The following WFS1 variants were observed in gnomAD, a reference collection of about 807,000 sequenced individuals.
WFS1 encodes the protein wolframin.
WFS1 carries 90 observed loss-of-function variants against 68.5 expected under a neutral mutation model. The ratio of observed to expected loss-of-function variants is 1.31; its 90% CI spans 1.11 to 1.56. WFS1 has a LOEUF of 1.56. WFS1 is among the 40% of genes most tolerant of loss of function. The pLI, the probability that WFS1 is intolerant of heterozygous loss-of-function variation, is 0.00. For synonymous variants in WFS1, 860 were observed against 540.7 expected (o/e 1.59, Z -8.19); for missense variants, 1,767 against 1,232.6 (o/e 1.43, Z -6.49).
chr4:6,299,340 A>C (rs1275520663), intron 7 of WFS1, among the ~76,000 whole-genome samples: 1 of 152,182 alleles, frequency 6.6e-6, no homozygotes, highest in Non-Finnish European at 1.5e-5. Context: ...CGCTGCATGC[A>C]GAGCAGGGGA....
chr4:6,291,158 C>T, intron 4 of WFS1, 39 bp from the exon 5 acceptor site: 1 of 1,607,078 alleles, frequency 6.2e-7, no homozygotes, highest in Non-Finnish European at 8.5e-7. Flanking sequence ...AAAGCCTAGG[C>T]AGGGCACACA....
In WFS1 at chr4:6,302,341, A is replaced by C. The variant is rs778798308; in HGVS notation, c.2546A>C (p.Asn849Thr). 6.2e-7 allele frequency: 1 copy of C among 1,612,678 alleles called. No homozygotes were observed. The highest frequency in any genetic ancestry group is 2.2e-5 in the East Asian group (1 of 44,896). Residue 849 changes from asparagine to threonine, a missense_variant, in exon 8 of 8, where the codon AAC (asparagine) becomes ACC (threonine). Asn to Thr is a moderately conservative substitution (Grantham distance 65). Transcript: ENST00000226760. ...VFELKAISCL[N>T]CMAQLSPTRR... is the part of the protein sequence containing the mutation. ...GAGCTCAAGGCCATCAGCTGCCTCA[A>C]CTGCATGGCCCAGCTCTCACCCACC...
chr4:6,302,265 G>A lies in WFS1; in HGVS notation c.2470G>A (p.Glu824Lys), dbSNP rs367547063. The stretch of plus-strand genomic sequence containing the variant: ...CAGCCTGCGCCAGGGCAGCCTCATC[G>A]AGTTCAGCACCATCCTGGAGGGCCG... ...LLSLRQGSLI[E>K]FSTILEGRLG... is the part of the protein sequence containing the mutation. Residue 824 changes from glutamate to lysine, a missense_variant, in exon 8 of 8, where the codon GAG (glutamate) becomes AAG (lysine). Coordinates refer to ENST00000226760, the MANE Select transcript of WFS1 (RefSeq NM_006005.3). 4.7e-5 allele frequency: 76 copies of A among 1,604,748 alleles called. No individual in the cohort carries two copies. The highest frequency in any genetic ancestry group is 6.4e-5 in the Non-Finnish European group (75 of 1,173,986).
intron 2 of WFS1, among the ~76,000 whole-genome samples, chr4:6,280,825 A>C (rs1252504561): frequency 2.0e-5 from 3 of 152,040 alleles, no homozygotes; most frequent in Non-Finnish European, 4.4e-5. Context: ...GTCTACCAGT[A>C]GGACAAGGCC....
In WFS1 at chr4:6,301,397, C is replaced by T. The variant is rs746679248; in HGVS notation, c.1602C>T (p.Tyr534=). The change falls in exon 8 of 8, where the codon TAC becomes TAT. Residue 534 remains tyrosine (Y), a synonymous_variant. Coordinates refer to ENST00000226760, the MANE Select transcript of WFS1 (RefSeq NM_006005.3). ...GCACCTACTGCTACCTTGTGCCCTA[C>T]CTGGTGTGCTTCATGTGGTGTGAGC... ...FKGTYCYLVP[Y]LVCFMWCELS... 4.1e-5 allele frequency: 66 copies of T among 1,612,496 alleles called. No individual in the cohort carries two copies. The highest frequency in any genetic ancestry group is 5.3e-5 in the Non-Finnish European group (63 of 1,180,044).
At chr4:6,277,269 A>G (rs1253241557) in intron 1 of WFS1, among the ~76,000 whole-genome samples, 182 bp from the exon 2 acceptor site, 4 of 152,164 alleles carry the variant, frequency 2.6e-5, no homozygotes, top group Non-Finnish European at 4.4e-5. Flanking sequence ...GTGTCCTCCC[A>G]TGGTTTCCTC....
In WFS1 at chr4:6,277,587, C is replaced by A. The variant is rs754346893; in HGVS notation, c.132C>A (p.Pro44=). 108 of 1,581,278 alleles carry A rather than the reference C, an allele frequency of 6.8e-5. No individual in the cohort carries two copies. Among genetic ancestry groups the A allele is most frequent in the Non-Finnish European group, 8.8e-5 (103 of 1,164,036 alleles). ...EQERSERPRA[P]GPQAGPGPGV... is the part of the protein sequence containing the mutation. Reference sequence around the variant, plus strand: ...AGAGGAGCGAAAGGCCCCGAGCACCCGGACCCCAGGCTGGCCCTGGCCCTG... The same window carrying A: ...AGAGGAGCGAAAGGCCCCGAGCACCAGGACCCCAGGCTGGCCCTGGCCCTG... The change falls in exon 2 of 8, where the codon CCC becomes CCA. Residue 44 remains proline, a synonymous_variant. Transcript: ENST00000226760.
chr4:6,285,987 C>G (rs889586374), intron 2 of WFS1, among the ~76,000 whole-genome samples: 1 of 152,186 alleles, frequency 6.6e-6, no homozygotes, highest in African/African-American at 2.4e-5. Context: ...ACTGGAGAAC[C>G]TGTGCTAGGA....
chr4:6,270,026 G>A lies in WFS1; in HGVS notation c.-6+12G>A, dbSNP rs1190687337. The A allele has an allele frequency of 7.6e-6, 1 of 132,194 alleles. No homozygotes were observed. The highest frequency in any genetic ancestry group is 3.3e-5 in the African/African-American group (1 of 30,478). The allele number at this position is 132,194 out of a possible 1,614,324, so 8.2% of individuals were successfully genotyped here. On this transcript the variant is annotated intron_variant, in intron 1 of 7. Transcript: ENST00000226760. The stretch of plus-strand genomic sequence containing the variant: ...CCACTCACGGGCCGGTGAGTACTTC[G>A]GCGCTGGGGCAGTGGCGCGGTGGCT...
Position 6,289,065 on chromosome 4 carries a change from C to G in WFS1, c.394C>G (p.Leu132Val), listed in dbSNP as rs914375154. 6.3e-7 allele frequency: 1 copy of G among 1,593,710 alleles called. No individual in the cohort carries two copies. Among genetic ancestry groups the G allele is most frequent in the African/African-American group, 1.3e-5 (1 of 74,740 alleles). Residue 132 changes from leucine (L) to valine (V), a missense_variant, in exon 4 of 8, where the codon CTC becomes GTC. Coordinates refer to ENST00000226760, the MANE Select transcript of WFS1 (RefSeq NM_006005.3). ...NSCTAVDWLVLAAKQGRREAV... is the reference protein window; with the variant it reads ...NSCTAVDWLVVAAKQGRREAV... ...CTGCACCGCTGTGGACTGGCTGGTC[C>G]TCGCCGCGAAGCAGGGCCGTCGCGA...
chr4:6,275,587 A>ACC lies in WFS1; in HGVS notation c.-5-1863_-5-1862insCC, dbSNP rs1221977171. Among the ~76,000 whole-genome samples the ACC allele has an allele frequency of 1.7e-4, 3 of 17,222 alleles. 1 individual carries two copies. The highest frequency in any genetic ancestry group is 3.0e-4 in the Non-Finnish European group (3 of 9,854). The allele number at this position is 17,222 out of a possible 152,430, so 11.3% of individuals were successfully genotyped here. ...TGCATGGTTTGCACCTGGGGGATGC[A>ACC]CGGGGGTGGGGTGGGGGGGGGGGGT... On this transcript the variant is annotated intron_variant, in intron 1 of 7. Transcript: ENST00000226760.
intron 6 of WFS1, among the ~76,000 whole-genome samples, chr4:6,292,803 T>A (rs1456308047): frequency 6.6e-6 from 1 of 151,940 alleles, no homozygotes; most frequent in Non-Finnish European, 1.5e-5. Context: ...TTCTGAACAG[T>A]GAGATGATCA....
rs55814513 is a variant in WFS1 at position 6,301,470 on chromosome 4, G to A, written c.1675G>A (p.Ala559Thr). ...GTCCACCGGCCTGGGGCTGCTCCGC[G>A]CCTCCATCGGCTACTTCCTCTTCCT... is the stretch of plus-strand genomic sequence containing the variant. ...LESTGLGLLR[A>T]SIGYFLFLFA... Residue 559 changes from alanine to threonine, a missense_variant, in exon 8 of 8, where the codon GCC (alanine) becomes ACC (threonine). Ala to Thr is a moderately conservative substitution (Grantham distance 58). Transcript: ENST00000226760. 7,829 of 1,612,772 alleles carry A rather than the reference G, an allele frequency of 4.9e-3. 20 individuals are homozygous for A. The highest frequency in any genetic ancestry group is 5.7e-3 in the Non-Finnish European group (6,717 of 1,180,036).
At position 6,302,828 on chromosome 4, in the gene WFS1, TCTTTCTTTTGTGTTGG is replaced by T; in HGVS notation, c.*361_*376del. 1 of 366,356 alleles carries T rather than the reference TCTTTCTTTTGTGTTGG, an allele frequency of 2.7e-6. No individual in the cohort carries two copies. Among genetic ancestry groups the T allele is most frequent in the African/African-American group, 2.1e-5 (1 of 48,140 alleles). 22.7% of individuals were successfully genotyped at this position (366,356 alleles called of 1,614,324 possible). On this transcript the variant is annotated 3_prime_UTR_variant, in exon 8 of 8. Coordinates refer to ENST00000226760, the MANE Select transcript of WFS1 (RefSeq NM_006005.3). ...ACCTTCAAGCACCCTGTTCCCTCTT[TCTTTCTTTTGTGTTGG>T]ATTTGTTTAAAAACCAAATAAGCAT...
At chr4:6,298,310 T>C (rs905290845) in intron 7 of WFS1, among the ~76,000 whole-genome samples, 22 of 152,246 alleles carry the variant, frequency 1.4e-4, no homozygotes, top group African/African-American at 4.8e-4. Context: ...CTGGAGTAGG[T>C]TGGTTTTCAT....
rs531593902 is a variant in WFS1, at chr4:6,277,569, C to T, written c.114C>T (p.Ser38=). 1.3e-4 allele frequency: 213 copies of T among 1,585,786 alleles called. 1 individual carries two copies. In the South Asian group the frequency reaches 2.1e-3, roughly 16 times the overall value. ...CAGCCTCGTTGGAGCAGGAGAGGAG[C>T]GAAAGGCCCCGAGCACCCGGACCCC... The part of the protein sequence containing the change: ...NATASLEQER[S]ERPRAPGPQA... The change falls in exon 2 of 8, where the codon AGC becomes AGT. Residue 38 remains serine, a synonymous_variant. Coordinates refer to ENST00000226760, the MANE Select transcript of WFS1 (RefSeq NM_006005.3).
chr4:6,301,505 C>G lies in WFS1; in HGVS notation c.1710C>G (p.Leu570=). The G allele has an allele frequency of 6.2e-7, 1 of 1,613,562 alleles. No individual in the cohort carries two copies. The highest frequency in any genetic ancestry group is 8.5e-7 in the Non-Finnish European group (1 of 1,179,938). The change falls in exon 8 of 8, where the codon CTC becomes CTG. Residue 570 remains leucine, a synonymous_variant. Transcript: ENST00000226760. ...GCTACTTCCTCTTCCTCTTTGCCCTCCCCATCCTGGTGGCCGGCCTGGCCC... is the reference window on the plus strand; with the variant it reads ...GCTACTTCCTCTTCCTCTTTGCCCTGCCCATCCTGGTGGCCGGCCTGGCCC... ...SIGYFLFLFA[L]PILVAGLALV...
At chr4:6,292,931 G>A (rs1367323664) in intron 6 of WFS1, among the ~76,000 whole-genome samples, 3 of 152,218 alleles carry the variant, frequency 2.0e-5, no homozygotes, top group Admixed American at 6.5e-5. Context: ...CCGTCCATAG[G>A]GTGTGGTCAG....
chr4:6,295,235 ACTCGCGCAC>A, intron 7 of WFS1, 46 bp downstream of exon 7: 2 of 1,607,710 alleles, frequency 1.2e-6, no homozygotes, highest in Non-Finnish European at 1.7e-6. Context: ...CCTCCCAAGG[ACTCGCGCAC>A]CTCAGGCAGG....
Sources: gnomAD v4.1 joint callset for allele counts (sites outside exome capture counted in the v4.1 genomes callset) on GRCh38, gnomAD v4.1.1 for gene constraint, MANE v1.5 for transcripts, NCBI Gene and HGNC (gene_info 2026-07-23, HGNC 2026-07-21) for gene names.